R3HDM1: variants seen among roughly 807,000 people sequenced by gnomAD.
The protein encoded by R3HDM1 is R3H domain containing 1, also known as R3H domain-containing protein 1.
A neutral mutation model predicts 141.1 loss-of-function variants in R3HDM1; 46 were observed. The ratio of observed to expected loss-of-function variants is 0.33; its 90% CI spans 0.26 to 0.42. The LOEUF (loss-of-function observed/expected upper bound fraction) is 0.42, where lower values mean the gene tolerates loss of function less well. R3HDM1 is among the 10% of genes least tolerant of loss of function. The pLI, the probability that R3HDM1 is intolerant of heterozygous loss-of-function variation, is 1.00. For synonymous variants in R3HDM1, 435 were observed against 472.9 expected (o/e 0.92, Z 1.04); for missense variants, 1,184 against 1,368.3 (o/e 0.87, Z 2.12).
intron 24 of R3HDM1, among the ~76,000 whole-genome samples, chr2:135,720,473 T>G (rs1227949861): frequency 2.0e-5 from 3 of 152,198 alleles, no homozygotes; most frequent in African/African-American, 7.2e-5. Context: ...TAAATGAAAA[T>G]GTAACACAAA....
At position 135,710,106 on chromosome 2, in the gene R3HDM1, A is replaced by C. The variant is rs2075447661; in HGVS notation, c.2611A>C (p.Ser871Arg). 1.8e-5 allele frequency: 29 copies of C among 1,614,040 alleles called. No individual in the cohort carries two copies. Among genetic ancestry groups the C allele is most frequent in the Non-Finnish European group, 2.4e-5 (28 of 1,180,026 alleles). ...PGGGMVMMQL[S>R]VPNNPQSCAH... The stretch of plus-strand genomic sequence containing the variant: ...TGGGGGGATGGTGATGATGCAGCTC[A>C]GTGTACCAAACAATCCACAATCTTG... The change falls in exon 23 of 27, where the codon AGT (serine) becomes CGT (arginine). Residue 871 changes from serine to arginine, a missense_variant. Physicochemically the swap from Ser to Arg is moderately radical, Grantham distance 110 (BLOSUM62 -1). Around this residue, in one of 5 missense-constraint regions of R3HDM1, gnomAD observed 563 missense variants for 562.0 expected, o/e 1.00. Transcript: ENST00000683871.
At position 135,641,808 on chromosome 2, in the gene R3HDM1, G is replaced by A; in HGVS notation, c.1474+18G>A. 3.8e-6 allele frequency: 6 copies of A among 1,569,934 alleles called. No homozygotes were observed. The highest frequency in any genetic ancestry group is 5.2e-6 in the Non-Finnish European group (6 of 1,161,126). On this transcript the variant is annotated intron_variant, in intron 15 of 26. Coordinates refer to ENST00000683871, the MANE Select transcript of R3HDM1 (RefSeq NM_001378107.1). ...ACAAACAGGTTGGTATCCAGAAAAAGGTGTTTCAGGAATTATCTGAAAATT... is the reference window on the plus strand; with the variant it reads ...ACAAACAGGTTGGTATCCAGAAAAAAGTGTTTCAGGAATTATCTGAAAATT...
intron 15 of R3HDM1, among the ~76,000 whole-genome samples, chr2:135,643,854 C>T (rs527577670): frequency 6.6e-6 from 1 of 152,232 alleles, no homozygotes; most frequent in East Asian, 1.9e-4. Flanking sequence ...AGCAAACTAA[C>T]GCAGGAACAG....
At chr2:135,659,233 G>A (rs1020270353) in intron 18 of R3HDM1, among the ~76,000 whole-genome samples, 5 of 151,966 alleles carry the variant, frequency 3.3e-5, no homozygotes, top group African/African-American at 1.2e-4. Context: ...AAGTAGCTGG[G>A]ACTACAGACA....
rs749801442 is a variant in R3HDM1 at position 135,715,599 on chromosome 2, C to T, written c.2786C>T (p.Ala929Val). ...SPIISPAQSP[A>V]PAQLSTLKTV... The stretch of plus-strand genomic sequence containing the variant: ...ATTATTTCACCAGCTCAGTCGCCAG[C>T]ACCAGCTCAGCTGTCCACCCTGAAA... The change falls in exon 24 of 27, where the codon GCA becomes GTA. Residue 929 changes from alanine to valine, a missense_variant. Ala to Val is a moderately conservative substitution (Grantham distance 64). Around this residue, in one of 5 missense-constraint regions of R3HDM1, gnomAD observed 563 missense variants for 562.0 expected, o/e 1.00. Coordinates refer to ENST00000683871, the MANE Select transcript of R3HDM1 (RefSeq NM_001378107.1). 1 of 1,614,086 alleles carries T rather than the reference C, an allele frequency of 6.2e-7. No individual in the cohort carries two copies. The highest frequency in any genetic ancestry group is 8.5e-7 in the Non-Finnish European group (1 of 1,179,956).
chr2:135,675,802 C>A (rs1031663032), intron 20 of R3HDM1, among the ~76,000 whole-genome samples: 1 of 152,086 alleles, frequency 6.6e-6, no homozygotes, highest in Non-Finnish European at 1.5e-5. Flanking sequence ...GGTAGATGAG[C>A]AAATGTCTTA....
chr2:135,678,664 G>T (rs552256421), intron 20 of R3HDM1, among the ~76,000 whole-genome samples: 2 of 151,544 alleles, frequency 1.3e-5, no homozygotes, highest in African/African-American at 4.8e-5. Flanking sequence ...CTTAAAACAT[G>T]GCAATAAGTA....
At position 135,645,367 on chromosome 2, in the gene R3HDM1, TGAA is replaced by T; in HGVS notation, c.1475-11_1475-9del. ...TCTAAGTTATTTTTTTCCCTCTTTT[TGAA>T]TTTTTCAGGTCAGCCCTTCATAAAC... On this transcript the variant is annotated splice_polypyrimidine_tract_variant and intron_variant, in intron 15 of 26. Transcript: ENST00000683871. 1 of 1,580,046 alleles carries T rather than the reference TGAA, an allele frequency of 6.3e-7. No individual in the cohort carries two copies. Among genetic ancestry groups the T allele is most frequent in the African/African-American group, 1.4e-5 (1 of 74,000 alleles).
chr2:135,582,552 C>G (rs1707056262), intron 1 of R3HDM1, among the ~76,000 whole-genome samples: 1 of 152,072 alleles, frequency 6.6e-6, no homozygotes, highest in African/African-American at 2.4e-5. Context: ...CAGAATACCA[C>G]TTGGGGAGAT....
intron 1 of R3HDM1, among the ~76,000 whole-genome samples, chr2:135,555,408 C>A (rs1700563897): frequency 6.6e-6 from 1 of 151,458 alleles, no homozygotes; most frequent in African/African-American, 2.4e-5. Flanking sequence ...ATAATAACAA[C>A]AGTTGAAAAG....
At chr2:135,645,210 T>C (rs543246620) in intron 15 of R3HDM1, 169 bp from the exon 16 acceptor site, 4 of 534,642 alleles carry the variant, frequency 7.5e-6, no homozygotes, top group Non-Finnish European at 1.3e-5. Flanking sequence ...AATAGCCTCA[T>C]GTCAGAGCAG....
chr2:135,603,380 T>TC (rs373720149), intron 2 of R3HDM1, among the ~76,000 whole-genome samples: 1,766 of 150,904 alleles, frequency 0.012, 31 homozygotes, highest in African/African-American at 0.04. Flanking sequence ...TTCACTGGTT[T>TC]CCCCCCCGCC....
intron 19 of R3HDM1, chr2:135,669,012 C>A: frequency 2.0e-6 from 1 of 507,024 alleles, no homozygotes; most frequent in Non-Finnish European, 2.5e-6. Context: ...ACTATTTGAG[C>A]CAGTTCTTCT....
intron 21 of R3HDM1, among the ~76,000 whole-genome samples, chr2:135,692,549 G>A (rs1362887984): frequency 6.6e-6 from 1 of 152,092 alleles, no homozygotes; most frequent in Non-Finnish European, 1.5e-5. Context: ...CCAAGATCAC[G>A]CCATTGCACT....
At chr2:135,662,391 A>G (rs1446584) in intron 19 of R3HDM1, among the ~76,000 whole-genome samples, 74,750 of 152,100 alleles carry the variant, frequency 0.49, 23,075 homozygotes, top group East Asian at 0.88. Context: ...TTATTGTTGC[A>G]GTCTTCAGTG....
At chr2:135,544,281 T>C (rs1391096719) in intron 1 of R3HDM1, among the ~76,000 whole-genome samples, 1 of 152,210 alleles carries the variant, frequency 6.6e-6, no homozygotes, top group African/African-American at 2.4e-5. Flanking sequence ...ACACATCATA[T>C]AGACATTCAG....
chr2:135,568,204 A>G (rs1288299133), intron 1 of R3HDM1, among the ~76,000 whole-genome samples: 1 of 151,762 alleles, frequency 6.6e-6, no homozygotes, highest in Non-Finnish European at 1.5e-5. Context: ...CTATAGGCAC[A>G]TGCCACCATG....
intron 16 of R3HDM1, among the ~76,000 whole-genome samples, chr2:135,647,986 A>C (rs1181908490): frequency 6.6e-6 from 1 of 152,174 alleles, no homozygotes; most frequent in Admixed American, 6.5e-5. Flanking sequence ...TACTTTCCTT[A>C]ATCCCCCAGC....
intron 3 of R3HDM1, chr2:135,607,780 C>G: frequency 2.2e-6 from 2 of 895,058 alleles, no homozygotes; most frequent in Non-Finnish European, 2.7e-6. Flanking sequence ...ACTTTTGCAT[C>G]ATGGCCCAGT....
Sources: allele counts gnomAD v4.1 joint callset (sites outside exome capture counted in the v4.1 genomes callset), GRCh38; gene constraint gnomAD v4.1.1; regional missense constraint gnomAD v4.1.1; transcripts MANE v1.5; gene names NCBI Gene and HGNC (gene_info 2026-07-23, HGNC 2026-07-21).